Variants in EBF1 observed in about 807,000 individuals in gnomAD.
EBF1 encodes EBF transcription factor 1.
A neutral mutation model predicts 68.4 loss-of-function variants in EBF1; 10 were observed. The observed-to-expected ratio is 0.15, with a 90% CI of 0.09 to 0.25. The LOEUF (loss-of-function observed/expected upper bound fraction) is 0.25, where lower values mean the gene tolerates loss of function less well. EBF1 is among the 10% of genes least tolerant of loss of function. The probability of loss-of-function intolerance (pLI) is 1.00; values close to 1 mark genes in which losing one functional copy is unlikely to be tolerated. For missense variants in EBF1, 509 were observed against 794.4 expected, an observed-to-expected ratio of 0.64 and a Z score of 4.32; for synonymous variants, 298 against 299.8, an observed-to-expected ratio of 0.99 and a Z score of 0.06.
intron 15 of EBF1, among the ~76,000 whole-genome samples, chr5:158,706,063 T>G (rs1302559978): frequency 6.6e-6 from 1 of 152,202 alleles, no homozygotes; most frequent in Non-Finnish European, 1.5e-5. Context: ...GGAGGTGTAC[T>G]GAGGGTGACA....
chr5:158,726,810 C>T (rs185043722), intron 11 of EBF1, among the ~76,000 whole-genome samples: 4 of 152,290 alleles, frequency 2.6e-5, no homozygotes, highest in Admixed American at 1.3e-4. Context: ...GCTACCGACC[C>T]TGAGGGCCTG....
At chr5:158,999,099 C>G (rs1762012611) in intron 6 of EBF1, among the ~76,000 whole-genome samples, 1 of 151,864 alleles carries the variant, frequency 6.6e-6, no homozygotes, top group African/African-American at 2.4e-5. Context: ...AAAAAAAAAT[C>G]TGACAGAAAA....
intron 15 of EBF1, among the ~76,000 whole-genome samples, chr5:158,703,785 G>A (rs1167626193): frequency 6.6e-6 from 1 of 152,112 alleles, no homozygotes; most frequent in Non-Finnish European, 1.5e-5. Context: ...TGCTGAAAGT[G>A]CCCCTTGCCC....
chr5:159,040,386 T>A (rs1770950300), intron 6 of EBF1, among the ~76,000 whole-genome samples: 2 of 152,212 alleles, frequency 1.3e-5, no homozygotes, highest in African/African-American at 4.8e-5. Context: ...TGATCCAGAT[T>A]ACAAGCGACT....
At chr5:158,776,330 G>GAA (rs1336969500) in intron 10 of EBF1, among the ~76,000 whole-genome samples, 4 of 151,996 alleles carry the variant, frequency 2.6e-5, no homozygotes, top group African/African-American at 9.7e-5. Context: ...GAGAGAGAGA[G>GAA]AAACTGGGTG....
In EBF1 at chr5:158,751,460, C is replaced by T. The variant is rs144912304; in HGVS notation, c.1037-20303G>A. ...TCTGCAGAATCCTACCAGATGTGTCCAAGCGTCATACACTCAGGGATCATC... is the reference window on the plus strand; with the variant it reads ...TCTGCAGAATCCTACCAGATGTGTCTAAGCGTCATACACTCAGGGATCATC... On this transcript the variant is annotated intron_variant, in intron 10 of 15. Transcript: ENST00000313708. Among the ~76,000 whole-genome samples the T allele has an allele frequency of 2.4e-4, 37 of 152,100 alleles. No homozygotes were observed. In the East Asian group the frequency reaches 5.2e-3, roughly 21 times the overall value.
chr5:159,022,752 C>T (rs577788505), intron 6 of EBF1, among the ~76,000 whole-genome samples: 2 of 151,900 alleles, frequency 1.3e-5, no homozygotes, highest in African/African-American at 2.4e-5. Context: ...GGCAATGCAA[C>T]GCCACTTGTT....
intron 6 of EBF1, among the ~76,000 whole-genome samples, chr5:158,964,862 A>C (rs976254723): frequency 6.6e-6 from 1 of 152,224 alleles, no homozygotes; most frequent in African/African-American, 2.4e-5. Flanking sequence ...CAAGTAAAAA[A>C]ATAATATGAA....
At chr5:158,744,799 C>T (rs971686667) in intron 10 of EBF1, among the ~76,000 whole-genome samples, 3 of 152,150 alleles carry the variant, frequency 2.0e-5, no homozygotes, top group African/African-American at 4.8e-5. Flanking sequence ...TCACATTCAC[C>T]GGAAACAACT....
chr5:159,061,664 G>A (rs913407989), intron 6 of EBF1, among the ~76,000 whole-genome samples: 3 of 152,028 alleles, frequency 2.0e-5, no homozygotes, highest in Non-Finnish European at 4.4e-5. Context: ...CTCGGAAGCC[G>A]AAGAATCGAA....
At chr5:158,741,602 A>AG (rs1766435891) in intron 10 of EBF1, among the ~76,000 whole-genome samples, 1 of 151,852 alleles carries the variant, frequency 6.6e-6, no homozygotes, top group East Asian at 1.9e-4. Context: ...AAGCAGTATA[A>AG]TGTAATATTG....
intron 6 of EBF1, among the ~76,000 whole-genome samples, chr5:158,960,614 C>A (rs1817990903): frequency 6.6e-6 from 1 of 152,152 alleles, no homozygotes. Flanking sequence ...TTAAATATAT[C>A]CACAAATTCT....
At chr5:158,784,207 T>C (rs1472062349) in intron 9 of EBF1, among the ~76,000 whole-genome samples, 1 of 152,146 alleles carries the variant, frequency 6.6e-6, no homozygotes, top group African/African-American at 2.4e-5. Context: ...GGTTCATAGA[T>C]GAGAAAAATA....
intron 8 of EBF1, among the ~76,000 whole-genome samples, chr5:158,811,829 A>C (rs939345041): frequency 6.6e-6 from 1 of 151,988 alleles, no homozygotes; most frequent in African/African-American, 2.4e-5. Flanking sequence ...GACCTAACCT[A>C]CCTTCCCTAT....
intron 6 of EBF1, among the ~76,000 whole-genome samples, chr5:159,034,920 T>A (rs1488035055): frequency 1.3e-5 from 2 of 152,178 alleles, no homozygotes; most frequent in Non-Finnish European, 2.9e-5. Context: ...TTTCCCCTCA[T>A]GTTGAGAAAC....
chr5:158,778,112 A>T (rs1561899706), intron 9 of EBF1, among the ~76,000 whole-genome samples: 1 of 151,802 alleles, frequency 6.6e-6, no homozygotes, highest in Admixed American at 6.6e-5. Flanking sequence ...AGAACTAAGG[A>T]CTCTCCATAA....
chr5:159,006,347 A>C (rs1484401403), intron 6 of EBF1, among the ~76,000 whole-genome samples: 1 of 152,114 alleles, frequency 6.6e-6, no homozygotes. Flanking sequence ...TGACACCATG[A>C]GTCCTTCACC....
intron 7 of EBF1, among the ~76,000 whole-genome samples, chr5:158,835,794 A>T (rs542963235): frequency 6.6e-6 from 1 of 152,168 alleles, no homozygotes; most frequent in African/African-American, 2.4e-5. Context: ...AACTGTTCTA[A>T]AATGTTTCCT....
intron 6 of EBF1, among the ~76,000 whole-genome samples, chr5:158,886,136 A>G (rs975450794): frequency 6.6e-6 from 1 of 152,232 alleles, no homozygotes; most frequent in African/African-American, 2.4e-5. Flanking sequence ...CAGATTATCT[A>G]CAAGGATACA....
Sources: allele counts gnomAD v4.1 joint callset (sites outside exome capture counted in the v4.1 genomes callset), GRCh38; gene constraint gnomAD v4.1.1; transcripts MANE v1.5; gene names NCBI Gene and HGNC (gene_info 2026-07-23, HGNC 2026-07-21).